The following LDLRAD4 variants were observed in gnomAD, a reference collection of about 807,000 sequenced individuals.
The protein encoded by LDLRAD4 is low-density lipoprotein receptor class A domain-containing protein 4.
LDLRAD4 carries 5 observed loss-of-function variants against 17.0 expected under a neutral mutation model. That is an observed-to-expected ratio of 0.29 (90% confidence interval 0.15 to 0.62). LDLRAD4 has a LOEUF of 0.62. Among genes scored for constraint, LDLRAD4 ranks in the 20% least tolerant of loss-of-function variants. The pLI is 0.84. For synonymous variants in LDLRAD4, 168 were observed against 171.8 expected (o/e 0.98, Z 0.17); for missense variants, 340 against 424.7 (o/e 0.80, Z 1.75).
In LDLRAD4 at chr18:13,621,692, G is replaced by A. The variant is rs1265141619; in HGVS notation, c.336+421G>A. The stretch of plus-strand genomic sequence containing the variant: ...GAGGTGCTGCGGGGACAAATCACGC[G>A]CTCATCGTCACTAAACGTGCCGGCA... On this transcript the variant is annotated intron_variant, in intron 4 of 5. Transcript: ENST00000359446. This position sits in a 1 kb window ranked among gnomAD's most constrained non-coding sequence, Gnocchi z 5.5. Among the ~76,000 whole-genome samples, 6 of 152,168 alleles carry A rather than the reference G, an allele frequency of 3.9e-5. No individual in the cohort carries two copies. The highest frequency in any genetic ancestry group is 7.3e-5 in the Non-Finnish European group (5 of 68,036).
At chr18:13,483,665 G>A (rs931665940) in intron 3 of LDLRAD4, among the ~76,000 whole-genome samples, 52 of 152,214 alleles carry the variant, frequency 3.4e-4, no homozygotes, top group African/African-American at 1.2e-3. Context: ...GATACTGTGC[G>A]TGTTGTATCA....
intron 1 of LDLRAD4, among the ~76,000 whole-genome samples, chr18:13,345,976 C>G (rs569846493): frequency 1.1e-4 from 17 of 152,104 alleles, no homozygotes; most frequent in Non-Finnish European, 2.2e-4. Flanking sequence ...CTCTTTTCTT[C>G]TTTATTAGTC....
At chr18:13,559,922 T>C (rs2094523452) in intron 3 of LDLRAD4, among the ~76,000 whole-genome samples, 1 of 152,006 alleles carries the variant, frequency 6.6e-6, no homozygotes, top group African/African-American at 2.4e-5. Flanking sequence ...GACCAAGAAG[T>C]GCCTATCTTC....
At chr18:13,522,687 A>G (rs527320973) in intron 3 of LDLRAD4, 4 of 152,276 alleles carry the variant, frequency 2.6e-5, no homozygotes, top group South Asian at 4.1e-4. Flanking sequence ...CACAAAAGCC[A>G]TATCTGGAAT....
At chr18:13,508,329 C>T (rs1449264730) in intron 3 of LDLRAD4, among the ~76,000 whole-genome samples, 1 of 152,202 alleles carries the variant, frequency 6.6e-6, no homozygotes, top group African/African-American at 2.4e-5. Context: ...GCAGGTTATC[C>T]AGAAGCTCTA....
intron 3 of LDLRAD4, among the ~76,000 whole-genome samples, chr18:13,477,598 A>T (rs1342914884): frequency 6.6e-6 from 1 of 152,224 alleles, no homozygotes; most frequent in Non-Finnish European, 1.5e-5. Flanking sequence ...AGCTCAGGTC[A>T]TGGGATTATG....
intron 3 of LDLRAD4, among the ~76,000 whole-genome samples, chr18:13,528,806 G>A (rs567589254): frequency 2.6e-5 from 4 of 152,316 alleles, no homozygotes; most frequent in African/African-American, 7.2e-5. Context: ...GCATAGCAGC[G>A]TTCCCCCAAC....
intron 1 of LDLRAD4, among the ~76,000 whole-genome samples, chr18:13,368,028 CATAAA>C (rs1490207185): frequency 6.6e-6 from 1 of 152,040 alleles, no homozygotes; most frequent in Non-Finnish European, 1.5e-5. Context: ...GACCCTGTCT[CATAAA>C]ATAAAATAAG....
chr18:13,562,500 A>G (rs1449411778), intron 3 of LDLRAD4, among the ~76,000 whole-genome samples: 1 of 152,238 alleles, frequency 6.6e-6, no homozygotes, highest in Non-Finnish European at 1.5e-5. Flanking sequence ...CAATGTGATT[A>G]TTTGATACAT....
intron 3 of LDLRAD4, among the ~76,000 whole-genome samples, chr18:13,546,408 G>T (rs2094364619): frequency 7.6e-6 from 1 of 131,162 alleles, no homozygotes; most frequent in African/African-American, 3.0e-5. Context: ...TTGCCCTGTT[G>T]CCCAGGCTGG....
chr18:13,360,205 CTCA>C (rs1252466422), intron 1 of LDLRAD4, among the ~76,000 whole-genome samples: 1 of 152,202 alleles, frequency 6.6e-6, no homozygotes, highest in Non-Finnish European at 1.5e-5. Context: ...GTCATTTCCT[CTCA>C]TCATTGGAGG....
At chr18:13,354,252 A>C (rs1483880834) in intron 1 of LDLRAD4, among the ~76,000 whole-genome samples, 1 of 152,148 alleles carries the variant, frequency 6.6e-6, no homozygotes, top group Admixed American at 6.5e-5. Flanking sequence ...TTAGCATTTA[A>C]TTTTTTCAAG....
At chr18:13,567,230 C>T (rs1049457993) in intron 3 of LDLRAD4, among the ~76,000 whole-genome samples, 9 of 152,222 alleles carry the variant, frequency 5.9e-5, no homozygotes, top group African/African-American at 2.2e-4. Flanking sequence ...TCCAGGGGCG[C>T]TGCTAAGAAA....
At chr18:13,633,648 C>T (rs1374405574) in intron 4 of LDLRAD4, among the ~76,000 whole-genome samples, 1 of 152,256 alleles carries the variant, frequency 6.6e-6, no homozygotes. Context: ...CAAATTGTGA[C>T]AGTGCCCAGG....
intron 1 of LDLRAD4, among the ~76,000 whole-genome samples, chr18:13,364,380 C>T (rs928047463): frequency 3.3e-5 from 5 of 152,076 alleles, no homozygotes; most frequent in African/African-American, 4.8e-5. Context: ...CTCTGTCACC[C>T]AGGCTGAAGT....
chr18:13,412,590 G>A (rs1186261033), intron 2 of LDLRAD4, among the ~76,000 whole-genome samples: 1 of 152,174 alleles, frequency 6.6e-6, no homozygotes. Context: ...AGCAGTGAAG[G>A]TTCAGACAGG....
chr18:13,569,362 A>C (rs1401025947), intron 3 of LDLRAD4, among the ~76,000 whole-genome samples: 4 of 152,234 alleles, frequency 2.6e-5, no homozygotes, highest in South Asian at 2.1e-4. Context: ...TTGTCTCTAT[A>C]GAAAAACTTT....
intron 1 of LDLRAD4, among the ~76,000 whole-genome samples, chr18:13,256,771 C>G (rs2043527189): frequency 6.6e-6 from 1 of 152,204 alleles, no homozygotes; most frequent in Non-Finnish European, 1.5e-5. Flanking sequence ...CCTCTCTTTC[C>G]TAAGGAAGGC....
chr18:13,496,420 G>A (rs1180784286), intron 3 of LDLRAD4, among the ~76,000 whole-genome samples: 2 of 152,186 alleles, frequency 1.3e-5, no homozygotes, highest in Non-Finnish European at 2.9e-5. Flanking sequence ...ACAGGCAATA[G>A]CACAGTCTAA....
Sources: allele counts gnomAD v4.1 joint callset (sites outside exome capture counted in the v4.1 genomes callset), GRCh38; gene constraint gnomAD v4.1.1; non-coding constraint Gnocchi (gnomAD v3.1); transcripts MANE v1.5; gene names NCBI Gene and HGNC (gene_info 2026-07-23, HGNC 2026-07-21).